ACER3: variants seen among roughly 807,000 people sequenced by gnomAD.
ACER3 encodes the protein alkaline ceramidase 3.
In ACER3, 16 loss-of-function variants were observed where a neutral mutation model predicts 48.9. The observed-to-expected ratio is 0.33, with a 90% CI of 0.22 to 0.50. The LOEUF is 0.50. Among genes scored for constraint, ACER3 ranks in the 20% least tolerant of loss-of-function variants. ACER3 has a pLI of 0.98. For missense variants in ACER3, 227 were observed against 326.0 expected (o/e 0.70, Z 2.34); for synonymous variants, 109 against 107.8 (o/e 1.01, Z -0.07).
chr11:77,025,434 GTCTC>G lies in ACER3; in HGVS notation c.*5113_*5116del, dbSNP rs1400524915. ...TATTTATTTATTTTTTTGAGACAGA[GTCTC>G]TCTCTGTCACCCACGCTGGAGTGCA... On this transcript the variant is annotated 3_prime_UTR_variant, in exon 11 of 11. Coordinates refer to ENST00000532485, the MANE Select transcript of ACER3 (RefSeq NM_018367.7). 1 of 140,498 alleles carries G rather than the reference GTCTC, an allele frequency of 7.1e-6. No homozygotes were observed. The highest frequency in any genetic ancestry group is 6.8e-5 in the Admixed American group (1 of 14,690). 8.7% of individuals were successfully genotyped at this position (140,498 alleles called of 1,614,324 possible). A position where few individuals can be genotyped will look rare whatever the true frequency, so the allele number is the denominator to read the frequency against.
At chr11:76,973,915 G>A (rs768228264) in intron 3 of ACER3, among the ~76,000 whole-genome samples, 3 of 152,138 alleles carry the variant, frequency 2.0e-5, no homozygotes, top group Non-Finnish European at 4.4e-5. Flanking sequence ...GTATGAGGTA[G>A]GGGTCTGGCT....
At position 76,904,841 on chromosome 11, in the gene ACER3, ATG is replaced by A. The variant is rs3047842; in HGVS notation, c.104-21690_104-21689del. 6.9e-3 allele frequency among the ~76,000 whole-genome samples: 1,017 copies of A among 146,886 alleles called. 11 individuals are homozygous for A. Among genetic ancestry groups the A allele is most frequent in the African/African-American group, 0.02 (817 of 40,370 alleles). ...TTTGCTATATGTCTTTTCTCTATGT[ATG>A]TGTGTGTGTGTGTGTGTGTGTGTGT... On this transcript the variant is annotated intron_variant, in intron 1 of 10. Transcript: ENST00000532485.
intron 1 of ACER3, among the ~76,000 whole-genome samples, chr11:76,898,600 A>G (rs1489633823): frequency 6.6e-6 from 1 of 152,132 alleles, no homozygotes; most frequent in Admixed American, 6.6e-5. Flanking sequence ...CTATGCAGAG[A>G]CTTGTTCAAA....
chr11:76,961,704 AT>A (rs1947999244), intron 3 of ACER3, among the ~76,000 whole-genome samples: 1 of 150,968 alleles, frequency 6.6e-6, no homozygotes, highest in Admixed American at 6.6e-5. Flanking sequence ...GAGCATCAAA[AT>A]AAATGGTAAT....
At chr11:76,996,892 ATT>A (rs921594281) in intron 6 of ACER3, among the ~76,000 whole-genome samples, 6 of 146,758 alleles carry the variant, frequency 4.1e-5, no homozygotes, top group Non-Finnish European at 7.5e-5. Flanking sequence ...CACCTGGCTA[ATT>A]TTTGCATTTT....
chr11:76,995,678 A>G (rs1019816138), intron 6 of ACER3, among the ~76,000 whole-genome samples: 12 of 152,170 alleles, frequency 7.9e-5, no homozygotes, highest in Admixed American at 7.9e-4. Context: ...TGCCAGCCAG[A>G]TAAAATCAGT....
At chr11:76,997,212 G>A (rs189796319) in intron 6 of ACER3, among the ~76,000 whole-genome samples, 61 of 152,176 alleles carry the variant, frequency 4.0e-4, no homozygotes, top group Non-Finnish European at 7.8e-4. Context: ...TAAGGTAACT[G>A]CTACGTGAGC....
At chr11:76,901,311 A>T (rs1946077760) in intron 1 of ACER3, among the ~76,000 whole-genome samples, 1 of 152,102 alleles carries the variant, frequency 6.6e-6, no homozygotes, top group African/African-American at 2.4e-5. Flanking sequence ...CCTTACTAAC[A>T]AGATACTTCT....
At chr11:76,875,001 G>T (rs1284740562) in intron 1 of ACER3, among the ~76,000 whole-genome samples, 1 of 150,428 alleles carries the variant, frequency 6.6e-6, no homozygotes, top group Non-Finnish European at 1.5e-5. Context: ...TTTAAATCTT[G>T]ACTGATTACT....
At chr11:76,937,255 T>C (rs1015329756) in intron 2 of ACER3, among the ~76,000 whole-genome samples, 1 of 152,154 alleles carries the variant, frequency 6.6e-6, no homozygotes, top group Non-Finnish European at 1.5e-5. Context: ...GTGGGAGAAA[T>C]AGGCATTCTT....
chr11:76,956,729 TTAAA>T (rs1469541015), intron 2 of ACER3, among the ~76,000 whole-genome samples: 1 of 151,376 alleles, frequency 6.6e-6, no homozygotes, highest in Non-Finnish European at 1.5e-5. Flanking sequence ...TTGTGTGACT[TTAAA>T]TAACTTAAAG....
intron 4 of ACER3, among the ~76,000 whole-genome samples, chr11:76,976,684 A>G (rs1422731852): frequency 6.6e-6 from 1 of 152,210 alleles, no homozygotes; most frequent in Non-Finnish European, 1.5e-5. Flanking sequence ...TCTACAATAT[A>G]GTTTAACAAG....
In ACER3 at chr11:76,990,617, C is replaced by T. The variant is rs1457508794; in HGVS notation, c.438+43C>T. The T allele has an allele frequency of 3.4e-6, 4 of 1,187,938 alleles. No individual in the cohort carries two copies. In the East Asian group the frequency reaches 9.5e-5, roughly 28 times the overall value. The allele number at this position is 1,187,938 out of a possible 1,614,324, so 73.6% of individuals were successfully genotyped here. On this transcript the variant is annotated intron_variant, in intron 6 of 10. Coordinates refer to ENST00000532485, the MANE Select transcript of ACER3 (RefSeq NM_018367.7). Reference sequence around the variant, plus strand: ...ATTACACATTAGATTGTTTACGATACATGGCTGCTTTGTGATTTCCTTGTC... The same window carrying T: ...ATTACACATTAGATTGTTTACGATATATGGCTGCTTTGTGATTTCCTTGTC...
chr11:76,976,180 C>A, intron 3 of ACER3, 109 bp from the exon 4 acceptor site: 1 of 837,594 alleles, frequency 1.2e-6, no homozygotes. Context: ...AGCCTCTGTG[C>A]CTGGTCTAAG....
intron 2 of ACER3, among the ~76,000 whole-genome samples, chr11:76,932,500 CT>C (rs111239016): frequency 4.0e-4 from 61 of 152,204 alleles, no homozygotes; most frequent in African/African-American, 1.3e-3. Flanking sequence ...TATCCCTTTG[CT>C]TTTTTTCTGG....
intron 1 of ACER3, among the ~76,000 whole-genome samples, chr11:76,866,583 G>A (rs2134500283): frequency 6.6e-6 from 1 of 152,264 alleles, no homozygotes; most frequent in East Asian, 1.9e-4. Context: ...TGTGTCATTG[G>A]GTAATTGGTG....
intron 1 of ACER3, among the ~76,000 whole-genome samples, chr11:76,883,780 T>C (rs1945600266): frequency 6.6e-6 from 1 of 152,126 alleles, no homozygotes; most frequent in African/African-American, 2.4e-5. Flanking sequence ...CAATTTCTGT[T>C]TGGATGCCAG....
At chr11:76,963,007 G>GCAAGAT (rs1948036966) in intron 3 of ACER3, among the ~76,000 whole-genome samples, 1 of 151,464 alleles carries the variant, frequency 6.6e-6, no homozygotes, top group Non-Finnish European at 1.5e-5. Flanking sequence ...GAGCAGCTTG[G>GCAAGAT]AGAAAAACTC....
intron 3 of ACER3, 32 bp downstream of exon 3, chr11:76,959,063 T>C: frequency 6.2e-7 from 1 of 1,613,480 alleles, no homozygotes; most frequent in Non-Finnish European, 8.5e-7. Flanking sequence ...AAATGCTTAT[T>C]TCTCTTAATT....
Sources: gnomAD v4.1 joint callset for allele counts (sites outside exome capture counted in the v4.1 genomes callset) on GRCh38, gnomAD v4.1.1 for gene constraint, MANE v1.5 for transcripts, NCBI Gene and HGNC (gene_info 2026-07-23, HGNC 2026-07-21) for gene names.